RRAGD: variants seen among roughly 807,000 people sequenced by gnomAD.
RRAGD encodes the protein Ras related GTP binding D.
In RRAGD, 12 loss-of-function variants were observed where a neutral mutation model predicts 35.5. The ratio of observed to expected loss-of-function variants is 0.34; its 90% confidence interval spans 0.22 to 0.55. RRAGD has a LOEUF of 0.55. Ranked by LOEUF, RRAGD falls within the 20% of genes least tolerant of loss-of-function variation. The pLI, the probability that RRAGD is intolerant of heterozygous loss-of-function variation, is 0.91. For synonymous variants in RRAGD, 155 were observed against 178.9 expected, an observed-to-expected ratio of 0.87 and a Z score of 1.07; for missense variants, 324 against 490.1, an observed-to-expected ratio of 0.66 and a Z score of 3.20.
Position 89,368,051 on chromosome 6 carries a change from C to T in RRAGD, c.*5G>A. 2 of 1,590,234 alleles carry T rather than the reference C, an allele frequency of 1.3e-6. No homozygotes were observed. Among genetic ancestry groups the T allele is most frequent in the Non-Finnish European group, 1.7e-6 (2 of 1,169,784 alleles). ...TGATTTCAAAAGACATTCCTGAAACCTCACCTACAGCAGCACTCTAGGGGT... is the reference window on the plus strand; with the variant it reads ...TGATTTCAAAAGACATTCCTGAAACTTCACCTACAGCAGCACTCTAGGGGT... On this transcript the variant is annotated 3_prime_UTR_variant, in exon 7 of 7. Transcript: ENST00000369415.
At chr6:89,377,281 A>C (rs980104793) in intron 5 of RRAGD, among the ~76,000 whole-genome samples, 1 of 152,156 alleles carries the variant, frequency 6.6e-6, no homozygotes, top group African/African-American at 2.4e-5. Context: ...TGTGTTGTTC[A>C]AGGGTCAAAT....
chr6:89,390,413 G>A (rs1713146009), intron 1 of RRAGD, among the ~76,000 whole-genome samples: 1 of 152,166 alleles, frequency 6.6e-6, no homozygotes, highest in East Asian at 1.9e-4. Context: ...ATGAAAAGGT[G>A]CTCCATGTCA....
chr6:89,391,900 T>G (rs1242161812), intron 1 of RRAGD, among the ~76,000 whole-genome samples: 2 of 143,296 alleles, frequency 1.4e-5, no homozygotes, highest in African/African-American at 5.3e-5. Context: ...GAGGCTGCAG[T>G]GAGCTGAGGT....
chr6:89,390,681 T>C (rs756794064), intron 1 of RRAGD, among the ~76,000 whole-genome samples: 2 of 152,152 alleles, frequency 1.3e-5, no homozygotes, highest in African/African-American at 2.4e-5. Context: ...GCAGATCACT[T>C]GAGGTCAGGA....
At chr6:89,399,700 A>C (rs903678457) in intron 1 of RRAGD, among the ~76,000 whole-genome samples, 2 of 151,558 alleles carry the variant, frequency 1.3e-5, no homozygotes, top group African/African-American at 4.9e-5. Context: ...GGATCACCTG[A>C]GCCCAGAAGT....
Position 89,412,001 on chromosome 6 carries a change from A to ACCGG in RRAGD, c.-12_-9dup, listed in dbSNP as rs1247119673. On this transcript the variant is annotated 5_prime_UTR_variant, in exon 1 of 7. Coordinates refer to ENST00000369415, the MANE Select transcript of RRAGD (RefSeq NM_021244.5). This position sits in a 1 kb window ranked among gnomAD's most constrained non-coding sequence, Gnocchi z 4.2. ...CCCCAGCACCTGGCTCATCGTGCCC[A>ACCGG]CCGGCCGGCCGGCCCGGGGACGGCG... 8.5e-6 allele frequency: 13 copies of ACCGG among 1,524,822 alleles called. No individual in the cohort carries two copies. The highest frequency in any genetic ancestry group is 7.6e-5 in the East Asian group (3 of 39,546). The allele number at this position is 1,524,822 out of a possible 1,614,324, so 94.5% of individuals were successfully genotyped here.
chr6:89,398,886 T>G (rs1582520766), intron 1 of RRAGD, among the ~76,000 whole-genome samples: 2 of 152,156 alleles, frequency 1.3e-5, no homozygotes, highest in African/African-American at 4.8e-5. Context: ...ATACTCTAAT[T>G]TGCATATCTC....
At chr6:89,368,767 C>A (rs995440555) in intron 6 of RRAGD, among the ~76,000 whole-genome samples, 5 of 152,184 alleles carry the variant, frequency 3.3e-5, no homozygotes, top group Admixed American at 2.0e-4. Flanking sequence ...CAACCAATGA[C>A]ACTCAGCTTT....
intron 6 of RRAGD, 96 bp from the exon 7 acceptor site, chr6:89,368,303 T>A: frequency 9.1e-7 from 1 of 1,097,476 alleles, no homozygotes; most frequent in Non-Finnish European, 1.3e-6. Flanking sequence ...TAGGGGGCAG[T>A]AGAGGATGGT....
intron 1 of RRAGD, among the ~76,000 whole-genome samples, chr6:89,398,131 G>A (rs1769376189): frequency 6.6e-6 from 1 of 150,846 alleles, no homozygotes; most frequent in South Asian, 2.1e-4. Context: ...AGTGACAAGA[G>A]CAAAACTCCA....
chr6:89,395,990 T>A (rs994332973), intron 1 of RRAGD, among the ~76,000 whole-genome samples: 1 of 150,870 alleles, frequency 6.6e-6, no homozygotes, highest in Non-Finnish European at 1.5e-5. Context: ...AAAATTCAAC[T>A]CACATCAACT....
chr6:89,394,318 G>T (rs1208822781), intron 1 of RRAGD, among the ~76,000 whole-genome samples: 3 of 151,602 alleles, frequency 2.0e-5, no homozygotes, highest in African/African-American at 7.3e-5. Context: ...TTTAAATCAA[G>T]GATAACAATA....
rs1323680584 is a variant in RRAGD, at chr6:89,365,393, C to T, written c.*2663G>A. 6.6e-6 allele frequency: 1 copy of T among 152,132 alleles called. No homozygotes were observed. The highest frequency in any genetic ancestry group is 1.5e-5 in the Non-Finnish European group (1 of 68,030). 9.4% of individuals were successfully genotyped at this position (152,132 alleles called of 1,614,324 possible). ...AATGTTCCAGTGCAGTTGCTGTAGC[C>T]ATGTATTTAGGATTTGTATTTATAG... On this transcript the variant is annotated 3_prime_UTR_variant, in exon 7 of 7. Coordinates refer to ENST00000369415, the MANE Select transcript of RRAGD (RefSeq NM_021244.5).
At chr6:89,397,880 C>T (rs1026813691) in intron 1 of RRAGD, among the ~76,000 whole-genome samples, 5 of 152,196 alleles carry the variant, frequency 3.3e-5, no homozygotes, top group Non-Finnish European at 7.3e-5. Flanking sequence ...GGCACAGTGG[C>T]TCATACCTGT....
rs150900062 is a variant in RRAGD at position 89,392,346 on chromosome 6, G to A, written c.149-4756C>T. On this transcript the variant is annotated intron_variant, in intron 1 of 6. Transcript: ENST00000369415. ...TTCTTTTTAATTGGCTGGGCATGGTGGCATGCAGCTGTCATCCCAGCCATT... is the reference window on the plus strand; with the variant it reads ...TTCTTTTTAATTGGCTGGGCATGGTAGCATGCAGCTGTCATCCCAGCCATT... 1.1e-4 allele frequency among the ~76,000 whole-genome samples: 17 copies of A among 151,990 alleles called. No homozygotes were observed. In the East Asian group the frequency reaches 3.1e-3, roughly 28 times the overall value.
Position 89,394,833 on chromosome 6 carries a change from G to C in RRAGD, c.149-7243C>G, listed in dbSNP as rs1309558680. On this transcript the variant is annotated intron_variant, in intron 1 of 6. Transcript: ENST00000369415. ...AAGTGTAGGTAGAAGGAGAATTTAG[G>C]AGGATCATGAAAAGGAATTTGGTTT... 3.3e-5 allele frequency among the ~76,000 whole-genome samples: 5 copies of C among 152,246 alleles called. No homozygotes were observed. In the East Asian group the frequency reaches 7.7e-4, roughly 23 times the overall value.
At chr6:89,405,555 C>T (rs1769562843) in intron 1 of RRAGD, among the ~76,000 whole-genome samples, 1 of 151,950 alleles carries the variant, frequency 6.6e-6, no homozygotes, top group African/African-American at 2.4e-5. Context: ...CACGGACACA[C>T]ACACAGGCAC....
At chr6:89,386,904 C>T (rs1403664320) in intron 2 of RRAGD, among the ~76,000 whole-genome samples, 1 of 152,150 alleles carries the variant, frequency 6.6e-6, no homozygotes, top group Non-Finnish European at 1.5e-5. Context: ...AAAATTTTCA[C>T]ACCTAGAACT....
Position 89,411,835 on chromosome 6 carries a change from C to CG in RRAGD, c.148+10dup. ...GGGCGCGAGCCGAGGACGCGGGGGC[C>CG]GGGCGCTCACCTCCCTCCTCTGTGC... On this transcript the variant is annotated intron_variant, in intron 1 of 6. Coordinates refer to ENST00000369415, the MANE Select transcript of RRAGD (RefSeq NM_021244.5). This position sits in a 1 kb window ranked among gnomAD's most constrained non-coding sequence, Gnocchi z 5.6. 1 of 1,546,960 alleles carries CG rather than the reference C, an allele frequency of 6.5e-7. No individual in the cohort carries two copies. The highest frequency in any genetic ancestry group is 8.7e-7 in the Non-Finnish European group (1 of 1,149,980).
Sources: allele counts gnomAD v4.1 joint callset (sites outside exome capture counted in the v4.1 genomes callset), GRCh38; gene constraint gnomAD v4.1.1; non-coding constraint Gnocchi (gnomAD v3.1); transcripts MANE v1.5; gene names NCBI Gene and HGNC (gene_info 2026-07-23, HGNC 2026-07-21).